The following HEATR5A variants were observed in gnomAD, a reference collection of about 807,000 sequenced individuals.
HEATR5A encodes HEAT repeat-containing protein 5A.
In HEATR5A, 178 loss-of-function variants were observed where a neutral mutation model predicts 218.8. That is an observed-to-expected ratio of 0.81 (90% CI 0.72 to 0.92). HEATR5A has a LOEUF of 0.92. Among genes scored for constraint, HEATR5A ranks in the 40% least tolerant of loss-of-function variants. The pLI is 0.00. For missense variants in HEATR5A, 2,420 were observed against 2,418.9 expected (o/e 1.00, Z -0.01); for synonymous variants, 864 against 871.6 (o/e 0.99, Z 0.15).
chr14:31,384,315 A>G (rs1158250245), intron 9 of HEATR5A, among the ~76,000 whole-genome samples: 1 of 151,906 alleles, frequency 6.6e-6, no homozygotes, highest in Non-Finnish European at 1.5e-5. Context: ...ATGGTGATGC[A>G]TGCCTGCTGT....
At chr14:31,320,325 T>G in intron 25 of HEATR5A, 2 of 789,088 alleles carry the variant, frequency 2.5e-6, no homozygotes, top group South Asian at 1.3e-5. Flanking sequence ...AGTTGCTGCT[T>G]GAGAGACAGC....
rs187122661 is a variant in HEATR5A at position 31,383,453 on chromosome 14, T to G, written c.1596+68A>C. ...AAATAAAGCATTCAGTAACAAATTC[T>G]GTTACTATGTGAAGATACTTCTAAC... On this transcript the variant is annotated intron_variant, in intron 10 of 35. Transcript: ENST00000543095. The G allele has an allele frequency of 1.2e-5, 18 of 1,449,768 alleles. No homozygotes were observed. The African/African-American group carries it at 2.5e-4, about 20-fold the overall frequency. 89.8% of individuals were successfully genotyped at this position (1,449,768 alleles called of 1,614,324 possible). A position where few individuals can be genotyped will look rare whatever the true frequency, so the allele number is the denominator to read the frequency against.
chr14:31,367,660 C>CT (rs1901856225), intron 13 of HEATR5A, among the ~76,000 whole-genome samples: 1 of 134,416 alleles, frequency 7.4e-6, no homozygotes, highest in South Asian at 2.5e-4. Flanking sequence ...CTCAAATGAT[C>CT]TACCCACCTC....
At chr14:31,343,455 A>G (rs1216556763) in intron 21 of HEATR5A, among the ~76,000 whole-genome samples, 2 of 152,178 alleles carry the variant, frequency 1.3e-5, no homozygotes, top group Non-Finnish European at 2.9e-5. Context: ...CAGTAGATAC[A>G]ATATTAGAAG....
intron 1 of HEATR5A, among the ~76,000 whole-genome samples, chr14:31,403,835 A>G (rs2139309928): frequency 6.6e-6 from 1 of 152,360 alleles, no homozygotes; most frequent in African/African-American, 2.4e-5. Context: ...GAGCACACGC[A>G]GCATATAAGT....
intron 23 of HEATR5A, 69 bp from the exon 24 acceptor site, chr14:31,323,873 C>CA (rs1900183221): frequency 9.2e-7 from 1 of 1,082,016 alleles, no homozygotes; most frequent in Non-Finnish European, 1.3e-6. Flanking sequence ...TCAAAAGGAA[C>CA]AAAAAAATGA....
chr14:31,335,478 A>G (rs1364638169), intron 22 of HEATR5A, among the ~76,000 whole-genome samples: 1 of 151,866 alleles, frequency 6.6e-6, no homozygotes, highest in Non-Finnish European at 1.5e-5. Flanking sequence ...TGCCGCCACA[A>G]CTTGGGCCAG....
At position 31,330,940 on chromosome 14, in the gene HEATR5A, C is replaced by CTTT. The variant is rs764303670; in HGVS notation, c.3368-4601_3368-4599dup. Among the ~76,000 whole-genome samples the CTTT allele has an allele frequency of 3.7e-3, 278 of 75,960 alleles. 13 individuals carry two copies. Among genetic ancestry groups the CTTT allele is most frequent in the African/African-American group, 8.5e-3 (180 of 21,170 alleles). The allele number at this position is 75,960 out of a possible 152,430, so 49.8% of individuals were successfully genotyped here. A position where few individuals can be genotyped will look rare whatever the true frequency, so the allele number is the denominator to read the frequency against. On this transcript the variant is annotated intron_variant, in intron 22 of 35. Coordinates refer to ENST00000543095, the MANE Select transcript of HEATR5A (RefSeq NM_015473.4). ...CTTTTATATGCTCTGCTTCCCTCAC[C>CTTT]TTTTTTTTTTTTTTTTTTTGAGACA...
At chr14:31,396,033 G>C (rs954463771) in intron 4 of HEATR5A, among the ~76,000 whole-genome samples, 1 of 152,094 alleles carries the variant, frequency 6.6e-6, no homozygotes, top group Admixed American at 6.6e-5. Flanking sequence ...ATTCACCACA[G>C]TGCCTGGCAC....
At position 31,364,185 on chromosome 14, in the gene HEATR5A, A is replaced by G; in HGVS notation, c.2071+4T>C. The G allele has an allele frequency of 2.9e-6, 4 of 1,386,624 alleles. No homozygotes were observed. The highest frequency in any genetic ancestry group is 4.0e-6 in the Non-Finnish European group (4 of 1,009,500). 85.9% of individuals were successfully genotyped at this position (1,386,624 alleles called of 1,614,324 possible). On this transcript the variant is annotated splice_donor_region_variant and intron_variant, in intron 14 of 35. Transcript: ENST00000543095. ...AAAAAAACATTTTGGTCTAAGGCACATACCTTCATAGGTCTCAGGAGGTAA... is the reference window on the plus strand; with the variant it reads ...AAAAAAACATTTTGGTCTAAGGCACGTACCTTCATAGGTCTCAGGAGGTAA...
chr14:31,353,930 G>T (rs1028894726), intron 16 of HEATR5A, among the ~76,000 whole-genome samples: 1 of 151,936 alleles, frequency 6.6e-6, no homozygotes, highest in Admixed American at 6.6e-5. Context: ...CTCCTGAGTA[G>T]CTGGGACTAC....
chr14:31,418,429 T>C (rs961960777), intron 1 of HEATR5A, among the ~76,000 whole-genome samples: 13 of 152,160 alleles, frequency 8.5e-5, no homozygotes, highest in South Asian at 4.1e-4. Flanking sequence ...CGAAGGAGCA[T>C]TGTTGTGTTC....
In HEATR5A at chr14:31,293,179, A is replaced by G. The variant is rs147946608; in HGVS notation, c.*126T>C. The G allele has an allele frequency of 4.4e-4, 290 of 656,564 alleles. 2 individuals are homozygous for G. In the East Asian group the frequency reaches 7.0e-3, roughly 16 times the overall value. The allele number at this position is 656,564 out of a possible 1,614,324, so 40.7% of individuals were successfully genotyped here. A position where few individuals can be genotyped will look rare whatever the true frequency, so the allele number is the denominator to read the frequency against. ...GTATGCTGTTACTTTGAAGAGTCAC[A>G]GCTATTTAAGGTAAAACAATCAACT... is the stretch of plus-strand genomic sequence containing the variant. On this transcript the variant is annotated 3_prime_UTR_variant, in exon 36 of 36. Coordinates refer to ENST00000543095, the MANE Select transcript of HEATR5A (RefSeq NM_015473.4).
At chr14:31,327,891 T>G (rs1900322470) in intron 22 of HEATR5A, among the ~76,000 whole-genome samples, 1 of 152,220 alleles carries the variant, frequency 6.6e-6, no homozygotes, top group Non-Finnish European at 1.5e-5. Flanking sequence ...CTTGAAGAGT[T>G]AACTCATCTA....
Position 31,380,480 on chromosome 14 carries a change from A to T in HEATR5A, c.1695T>A (p.Ala565=). ...ACAGACTGTTACCTAATGTCATCAG[A>T]GCAGAAATCAGCAACCATCCAGCTT... is the stretch of plus-strand genomic sequence containing the variant. ...RTQAGWLLIS[A]LMTLGPAVVS... The change falls in exon 11 of 36, where the codon GCT becomes GCA. Residue 565 remains alanine, a synonymous_variant. Coordinates refer to ENST00000543095, the MANE Select transcript of HEATR5A (RefSeq NM_015473.4). The T allele has an allele frequency of 6.2e-7, 1 of 1,604,418 alleles. No individual in the cohort carries two copies. The highest frequency in any genetic ancestry group is 8.5e-7 in the Non-Finnish European group (1 of 1,174,758).
At chr14:31,365,064 G>A (rs190656426) in intron 13 of HEATR5A, among the ~76,000 whole-genome samples, 31 of 151,854 alleles carry the variant, frequency 2.0e-4, no homozygotes, top group African/African-American at 7.0e-4. Flanking sequence ...TGGTAGAGAC[G>A]GGGTTTTACC....
At position 31,383,754 on chromosome 14, in the gene HEATR5A, A is replaced by G. The variant is rs2030090657; in HGVS notation, c.1363T>C (p.Leu455=). 2 of 1,613,316 alleles carry G rather than the reference A, an allele frequency of 1.2e-6. No homozygotes were observed. Among genetic ancestry groups the G allele is most frequent in the East Asian group, 4.5e-5 (2 of 44,884 alleles). ...ATGCTAGGATGAAGAATAACTGACA[A>G]GATACTGTCAAGGAGACCTGGAAGG... The part of the protein sequence containing the change: ...DSSTGLLDSI[L]SVILHPSISV... Residue 455 remains leucine (L), a synonymous_variant, in exon 10 of 36, where the codon TTG becomes CTG. Transcript: ENST00000543095.
At chr14:31,352,055 T>G (rs532745818) in intron 16 of HEATR5A, among the ~76,000 whole-genome samples, 20 of 152,304 alleles carry the variant, frequency 1.3e-4, no homozygotes, top group Middle Eastern at 3.4e-3. Flanking sequence ...CAATATTTCA[T>G]GTCCTTATAG....
At chr14:31,409,625 G>C (rs776892074) in intron 1 of HEATR5A, among the ~76,000 whole-genome samples, 1 of 152,076 alleles carries the variant, frequency 6.6e-6, no homozygotes, top group Non-Finnish European at 1.5e-5. Flanking sequence ...CCTTGAGATA[G>C]GGAGATGGAG....
Sources: allele counts gnomAD v4.1 joint callset (sites outside exome capture counted in the v4.1 genomes callset), GRCh38; gene constraint gnomAD v4.1.1; transcripts MANE v1.5; gene names NCBI Gene and HGNC (gene_info 2026-07-23, HGNC 2026-07-21).